Variants in ATP13A4 observed in about 807,000 individuals in gnomAD.
ATP13A4 encodes the protein probable cation-transporting ATPase 13A4.
A neutral mutation model predicts 142.5 loss-of-function variants in ATP13A4; 114 were observed. That is an observed-to-expected ratio of 0.80 (90% CI 0.69 to 0.93). The LOEUF is 0.93. ATP13A4 is among the 40% of genes least tolerant of loss of function. The pLI, the probability that ATP13A4 is intolerant of heterozygous loss-of-function variation, is 0.00. For synonymous variants in ATP13A4, 488 were observed against 514.8 expected (o/e 0.95, Z 0.70); for missense variants, 1,392 against 1,454.0 (o/e 0.96, Z 0.69).
intron 1 of ATP13A4, among the ~76,000 whole-genome samples, chr3:193,585,623 T>G (rs1724653010): frequency 6.6e-6 from 1 of 152,186 alleles, no homozygotes; most frequent in South Asian, 2.1e-4. Flanking sequence ...TGGTACATTC[T>G]TTTTTGAGTT....
chr3:193,448,459 C>G, intron 17 of ATP13A4, 129 bp from the exon 18 acceptor site: 1 of 1,202,190 alleles, frequency 8.3e-7, no homozygotes, highest in Non-Finnish European at 1.2e-6. Context: ...CCTCAGCTTC[C>G]CAAGTAACTG....
At chr3:193,531,361 G>A (rs1722329971) in intron 1 of ATP13A4, among the ~76,000 whole-genome samples, 1 of 141,196 alleles carries the variant, frequency 7.1e-6, no homozygotes, top group Non-Finnish European at 1.6e-5. Context: ...GGAGGGAGGA[G>A]GGAGGGAGGG....
intron 1 of ATP13A4, among the ~76,000 whole-genome samples, chr3:193,538,656 C>T (rs1722716409): frequency 6.6e-6 from 1 of 151,860 alleles, no homozygotes; most frequent in African/African-American, 2.4e-5. Context: ...TAGTAAGTAA[C>T]ATTTTACTAG....
chr3:193,449,164 G>C (rs907723602), intron 17 of ATP13A4, among the ~76,000 whole-genome samples: 8 of 152,228 alleles, frequency 5.3e-5, no homozygotes, highest in Non-Finnish European at 7.3e-5. Context: ...TATCAAGCGT[G>C]AATGTTTCTG....
At chr3:193,534,041 A>G (rs1202127141) in intron 1 of ATP13A4, among the ~76,000 whole-genome samples, 1 of 152,218 alleles carries the variant, frequency 6.6e-6, no homozygotes, top group Non-Finnish European at 1.5e-5. Context: ...TCTGGGGAAC[A>G]TTAGTGAGGC....
At chr3:193,498,035 A>G (rs1335784549) in intron 3 of ATP13A4, among the ~76,000 whole-genome samples, 1 of 152,192 alleles carries the variant, frequency 6.6e-6, no homozygotes, top group African/African-American at 2.4e-5. Flanking sequence ...ATAATATTGT[A>G]TTGTATATTC....
chr3:193,489,950 C>T, intron 6 of ATP13A4, 86 bp from the exon 7 acceptor site: 2 of 1,367,110 alleles, frequency 1.5e-6, no homozygotes, highest in Non-Finnish European at 2.1e-6. Flanking sequence ...TAATCATCTT[C>T]ATGACATACA....
In ATP13A4 at chr3:193,457,462, T is replaced by C. The variant is rs537288344; in HGVS notation, c.1678A>G (p.Met560Val). 5.6e-6 allele frequency: 9 copies of C among 1,613,244 alleles called. No homozygotes were observed. The South Asian group carries it at 9.9e-5, about 18-fold the overall frequency. ...TGGAAATCGTCCCCAGAAAAAGCCA[T>C]TTCCTATTTCACAAATAGGATATTT... is the stretch of plus-strand genomic sequence containing the variant. ...LKMFEATTWEMAFSGDDFHIK... is the reference protein window; with the variant it reads ...LKMFEATTWEVAFSGDDFHIK... Residue 560 changes from methionine (M) to valine (V), a missense_variant, in exon 15 of 30, where the codon ATG (methionine) becomes GTG (valine). Met to Val is a conservative substitution (Grantham distance 21). Coordinates refer to ENST00000342695, the MANE Select transcript of ATP13A4 (RefSeq NM_032279.4).
At chr3:193,534,799 T>C (rs572110358) in intron 1 of ATP13A4, among the ~76,000 whole-genome samples, 22 of 152,152 alleles carry the variant, frequency 1.4e-4, no homozygotes, top group African/African-American at 5.3e-4. Flanking sequence ...GGGAAATGAC[T>C]AAAAAACTTA....
chr3:193,471,074 A>C, intron 8 of ATP13A4, 81 bp from the exon 9 acceptor site: 1 of 1,578,062 alleles, frequency 6.3e-7, no homozygotes, highest in Non-Finnish European at 8.7e-7. Flanking sequence ...CTTGGATATC[A>C]ATGAAAAAGC....
intron 28 of ATP13A4, 94 bp downstream of exon 28, chr3:193,410,888 C>T: frequency 1.2e-6 from 1 of 849,030 alleles, no homozygotes; most frequent in Non-Finnish European, 2.0e-6. Flanking sequence ...TAATTTGTGT[C>T]AAAAATCATG....
At chr3:193,550,153 A>G (rs1229673995) in intron 1 of ATP13A4, among the ~76,000 whole-genome samples, 1 of 152,208 alleles carries the variant, frequency 6.6e-6, no homozygotes, top group Non-Finnish European at 1.5e-5. Flanking sequence ...GATGTCACTG[A>G]ATTAGGAGTT....
rs994183830 is a variant in ATP13A4, at chr3:193,512,256, G to A, written c.234+2442C>T. ...ATCTGATAGATTCTTAAGTTCGCGT[G>A]GAGGGGTTGATCTATAAAAGGGCCC... On this transcript the variant is annotated intron_variant, in intron 2 of 29. Transcript: ENST00000342695. 2.0e-5 allele frequency among the ~76,000 whole-genome samples: 3 copies of A among 152,286 alleles called. No homozygotes were observed. The South Asian group carries it at 6.2e-4, about 32-fold the overall frequency.
chr3:193,455,304 G>A (rs1717536615), intron 16 of ATP13A4, among the ~76,000 whole-genome samples: 1 of 136,082 alleles, frequency 7.3e-6, no homozygotes, highest in Non-Finnish European at 1.5e-5. Context: ...TTGCGCCACT[G>A]CACTCCAGCC....
At chr3:193,413,378 G>T (rs529335313) in intron 26 of ATP13A4, among the ~76,000 whole-genome samples, 24 of 152,254 alleles carry the variant, frequency 1.6e-4, no homozygotes, top group African/African-American at 5.5e-4. Context: ...TGAACAATAT[G>T]AAATCAGTGC....
chr3:193,405,361 A>T (rs959491807), intron 29 of ATP13A4, among the ~76,000 whole-genome samples: 1 of 152,210 alleles, frequency 6.6e-6, no homozygotes, highest in Non-Finnish European at 1.5e-5. Flanking sequence ...ACTTTCCCAG[A>T]ATCTTTTTCT....
chr3:193,518,062 C>A (rs907054780), intron 1 of ATP13A4, among the ~76,000 whole-genome samples: 1 of 152,136 alleles, frequency 6.6e-6, no homozygotes, highest in Admixed American at 6.5e-5. Context: ...TTAAATTTGT[C>A]CCCCAGTTAT....
rs111410661 is a variant in ATP13A4 at position 193,430,994 on chromosome 3, G to A, written c.2842+2851C>T. ...GCATTGCTTAGTGACTAATGATGGC[G>A]GCTACATTGAAAATGGAGGGGGGGA... On this transcript the variant is annotated intron_variant, in intron 25 of 29. Transcript: ENST00000342695. 5.6e-3 allele frequency among the ~76,000 whole-genome samples: 853 copies of A among 152,100 alleles called. 13 individuals carry two copies. The highest frequency in any genetic ancestry group is 0.019 in the African/African-American group (790 of 41,514).
At chr3:193,419,548 C>G (rs1032551319) in intron 25 of ATP13A4, among the ~76,000 whole-genome samples, 1 of 107,210 alleles carries the variant, frequency 9.3e-6, no homozygotes, top group Non-Finnish European at 2.3e-5. Flanking sequence ...GCAGTCATAC[C>G]TCACTTCCCC....
Sources: gnomAD v4.1 joint callset for allele counts (sites outside exome capture counted in the v4.1 genomes callset) on GRCh38, gnomAD v4.1.1 for gene constraint, MANE v1.5 for transcripts, NCBI Gene and HGNC (gene_info 2026-07-23, HGNC 2026-07-21) for gene names.